CCNE1: variants seen among roughly 807,000 people sequenced by gnomAD.
The protein encoded by CCNE1 is cyclin E1.
A neutral mutation model predicts 54.1 loss-of-function variants in CCNE1; 8 were observed. The observed-to-expected ratio is 0.15, with a 90% CI of 0.09 to 0.27. CCNE1 has a LOEUF of 0.27. Ranked by LOEUF, CCNE1 falls within the 10% of genes least tolerant of loss-of-function variation. CCNE1 has a pLI of 1.00. For synonymous variants in CCNE1, 179 were observed against 185.2 expected (o/e 0.97, Z 0.27); for missense variants, 430 against 514.9 (o/e 0.84, Z 1.60).
At chr19:29,812,880 C>T (rs1973927848) in intron 3 of CCNE1, 89 bp from the exon 4 acceptor site, 1 of 1,593,858 alleles carries the variant, frequency 6.3e-7, no homozygotes, top group Non-Finnish European at 8.6e-7. Context: ...AGGAACGGAG[C>T]TCATAACCTG....
intron 4 of CCNE1, 45 bp downstream of exon 4, chr19:29,813,082 C>A: frequency 6.5e-7 from 1 of 1,542,304 alleles, no homozygotes; most frequent in Non-Finnish European, 9.0e-7. Context: ...CCTTCTCCCC[C>A]TGGGTCACAT....
chr19:29,812,628 G>C, intron 2 of CCNE1, 50 bp downstream of exon 2: 1 of 1,549,664 alleles, frequency 6.5e-7, no homozygotes, highest in Non-Finnish European at 8.7e-7. Flanking sequence ...GACGGGACGG[G>C]TGGCGTGGGG....
chr19:29,817,137 C>A lies in CCNE1; in HGVS notation c.181C>A (p.Pro61Thr), dbSNP rs1161685345. The A allele has an allele frequency of 6.2e-7, 1 of 1,613,752 alleles. No individual in the cohort carries two copies. Among genetic ancestry groups the A allele is most frequent in the South Asian group, 1.1e-5 (1 of 91,016 alleles). The change falls in exon 5 of 12, where the codon CCT becomes ACT. Residue 61 changes from proline to threonine, a missense_variant and splice_region_variant. Physicochemically the swap from Pro to Thr is conservative, Grantham distance 38. Around this residue, in one of 2 missense-constraint regions of CCNE1, gnomAD observed 127 missense variants for 113.8 expected, o/e 1.12. Coordinates refer to ENST00000262643, the MANE Select transcript of CCNE1 (RefSeq NM_001238.4). The stretch of plus-strand genomic sequence containing the variant: ...TCTCCTGTGTATTTTTCATTTACAG[C>A]CTTGGGACAATAATGCAGTCTGTGC... ...RTARDQCGSQ[P>T]WDNNAVCADP...
At position 29,812,939 on chromosome 19, in the gene CCNE1, C is replaced by T. The variant is rs777619592; in HGVS notation, c.112-30C>T. 3.7e-6 allele frequency: 6 copies of T among 1,613,400 alleles called. No individual in the cohort carries two copies. The African/African-American group carries it at 5.3e-5, about 14-fold the overall frequency. On this transcript the variant is annotated intron_variant, in intron 3 of 11. Transcript: ENST00000262643. ...GTTTTTGTCTTGTTTGGTGTGTTTC[C>T]TTGGGGTCATGGGGGTGGCTTCATG...
chr19:29,821,795 C>T lies in CCNE1; in HGVS notation c.683C>T (p.Thr228Ile), dbSNP rs1462598632. Reference protein sequence around the residue: ...DGACSGDEILTMELMIMKALK... With the variant: ...DGACSGDEILIMELMIMKALK... ...GCTTGTTCAGGAGATGAAATTCTCA[C>T]CATGGAATTAATGATTATGAAGGTG... Residue 228 changes from threonine to isoleucine, a missense_variant, in exon 8 of 12, where the codon ACC becomes ATC. Thr to Ile is a moderately conservative substitution (Grantham distance 89, BLOSUM62 -1). Transcript: ENST00000262643. The T allele has an allele frequency of 6.2e-7, 1 of 1,611,814 alleles. No individual in the cohort carries two copies.
rs1177867432 is a variant in CCNE1, at chr19:29,822,612, T to C, written c.1110+9T>C. ...ACAGCTTGGATTTGCTGGTCAGTGC[T>C]GCTCCTTCTTTCAGTCCTTCTTGGC... On this transcript the variant is annotated intron_variant, in intron 11 of 11. Coordinates refer to ENST00000262643, the MANE Select transcript of CCNE1 (RefSeq NM_001238.4). The C allele has an allele frequency of 6.3e-7, 1 of 1,588,848 alleles. No individual in the cohort carries two copies. Among genetic ancestry groups the C allele is most frequent in the East Asian group, 2.2e-5 (1 of 44,562 alleles).
rs3218074 is a variant in CCNE1, at chr19:29,824,269, A to G, written c.*492A>G. The G allele has an allele frequency of 4.2e-4, 98 of 234,934 alleles. No homozygotes were observed. Among genetic ancestry groups the G allele is most frequent in the African/African-American group, 2.0e-3 (89 of 45,472 alleles). The allele number at this position is 234,934 out of a possible 1,614,324, so 14.6% of individuals were successfully genotyped here. On this transcript the variant is annotated 3_prime_UTR_variant, in exon 12 of 12. Transcript: ENST00000262643. Reference sequence around the variant, plus strand: ...GATGAACTGTTTTGTAAGTGCTGCTATATCTATCCATTTTTTAATAAAGAT... The same window carrying G: ...GATGAACTGTTTTGTAAGTGCTGCTGTATCTATCCATTTTTTAATAAAGAT...
At chr19:29,823,413 G>T (rs758539840) in intron 11 of CCNE1, among the ~76,000 whole-genome samples, 31 of 152,184 alleles carry the variant, frequency 2.0e-4, no homozygotes, top group Admixed American at 1.0e-3. Flanking sequence ...ACATGGTGGC[G>T]GGTGCCTATA....
chr19:29,818,224 C>T (rs1974072904), intron 6 of CCNE1, among the ~76,000 whole-genome samples: 1 of 152,144 alleles, frequency 6.6e-6, no homozygotes, highest in Non-Finnish European at 1.5e-5. Context: ...AATGGGGTTT[C>T]ACCGTGTTAG....
chr19:29,812,758 G>A lies in CCNE1; in HGVS notation c.93G>A (p.Arg31=). The change falls in exon 3 of 12, where the codon AGG becomes AGA. Residue 31 remains arginine (R), a synonymous_variant. Coordinates refer to ENST00000262643, the MANE Select transcript of CCNE1 (RefSeq NM_001238.4). The part of the protein sequence containing the change: ...GAEFSARSRK[R]KANVTVFLQD... ...AGTTCTCGGCTCGCTCCAGGAAGAG[G>A]AAGGCAAACGTGACCGTTGTGAGTA... 1.3e-6 allele frequency: 2 copies of A among 1,593,518 alleles called. No homozygotes were observed. The highest frequency in any genetic ancestry group is 1.7e-6 in the Non-Finnish European group (2 of 1,171,800).
At chr19:29,814,505 G>T (rs1273715338) in intron 4 of CCNE1, among the ~76,000 whole-genome samples, 1 of 152,186 alleles carries the variant, frequency 6.6e-6, no homozygotes, top group Non-Finnish European at 1.5e-5. Flanking sequence ...AGGCATTTTC[G>T]TGGTTATCCA....
At chr19:29,813,901 C>T (rs1025973854) in intron 4 of CCNE1, among the ~76,000 whole-genome samples, 3 of 152,280 alleles carry the variant, frequency 2.0e-5, no homozygotes, top group South Asian at 4.1e-4. Flanking sequence ...CACAGATAAA[C>T]GCTGAACAGA....
chr19:29,820,595 A>G (rs1974125229), intron 6 of CCNE1, 107 bp from the exon 7 acceptor site: 1 of 799,324 alleles, frequency 1.3e-6, no homozygotes, highest in South Asian at 1.6e-5. Context: ...GAGTTCAGGA[A>G]CTTTGCATTT....
chr19:29,815,059 C>G (rs1015163732), intron 4 of CCNE1, among the ~76,000 whole-genome samples: 1 of 152,204 alleles, frequency 6.6e-6, no homozygotes, highest in African/African-American at 2.4e-5. Flanking sequence ...TTGGTGTACA[C>G]TCAAGGACAT....
chr19:29,814,973 G>A lies in CCNE1; in HGVS notation c.180+1936G>A, dbSNP rs148914847. 1.7e-4 allele frequency among the ~76,000 whole-genome samples: 26 copies of A among 152,316 alleles called. No individual in the cohort carries two copies. In the East Asian group the frequency reaches 4.8e-3, roughly 28 times the overall value. On this transcript the variant is annotated intron_variant, in intron 4 of 11. Transcript: ENST00000262643. ...AAAAAGTGGTATGAGGAGTTGGAGT[G>A]GTTAGGAATCCCGTGGGTCTCTTAT...
chr19:29,817,910 G>A (rs1478187773), intron 6 of CCNE1, among the ~76,000 whole-genome samples: 1 of 135,402 alleles, frequency 7.4e-6, no homozygotes, highest in Non-Finnish European at 1.5e-5. Context: ...ACCCAGGCTG[G>A]AGTGCAGTGG....
chr19:29,824,041 C>T lies in CCNE1; in HGVS notation c.*264C>T, dbSNP rs1974220940. On this transcript the variant is annotated 3_prime_UTR_variant, in exon 12 of 12. Transcript: ENST00000262643. ...GCTCCCGATGCTGCTATGGAAGGTG[C>T]TACTTGACCTAAGGGACTCCCACAA... 2 of 361,290 alleles carry T rather than the reference C, an allele frequency of 5.5e-6. No individual in the cohort carries two copies. The highest frequency in any genetic ancestry group is 1.0e-5 in the Non-Finnish European group (2 of 200,488). 22.4% of individuals were successfully genotyped at this position (361,290 alleles called of 1,614,324 possible). A position where few individuals can be genotyped will look rare whatever the true frequency, so the allele number is the denominator to read the frequency against.
chr19:29,816,528 G>A (rs1327027063), intron 4 of CCNE1, among the ~76,000 whole-genome samples: 1 of 152,148 alleles, frequency 6.6e-6, no homozygotes, highest in South Asian at 2.1e-4. Context: ...ACTTGATTTG[G>A]TTTTAACTAG....
At chr19:29,819,619 TAACA>T (rs1247354329) in intron 6 of CCNE1, among the ~76,000 whole-genome samples, 1 of 152,212 alleles carries the variant, frequency 6.6e-6, no homozygotes, top group African/African-American at 2.4e-5. Context: ...TATTTCTCTT[TAACA>T]GTTAATCAAA....
Sources: gnomAD v4.1 joint callset for allele counts (sites outside exome capture counted in the v4.1 genomes callset) on GRCh38, gnomAD v4.1.1 for gene constraint, gnomAD v4.1.1 regional missense constraint, MANE v1.5 for transcripts, NCBI Gene and HGNC (gene_info 2026-07-23, HGNC 2026-07-21) for gene names.